The following AHDC1 variants were observed in gnomAD, a reference collection of about 807,000 sequenced individuals.
The protein encoded by AHDC1 is transcription factor Gibbin.
In AHDC1, 7 loss-of-function variants were observed where a neutral mutation model predicts 87.9. That is an observed-to-expected ratio of 0.08 (90% CI 0.05 to 0.15). The LOEUF is 0.15. AHDC1 is among the 10% of genes least tolerant of loss of function. AHDC1 has a pLI of 1.00. For missense variants in AHDC1, 1,841 were observed against 2,253.2 expected, an observed-to-expected ratio of 0.82 and a Z score of 3.70; for synonymous variants, 1,051 against 1,006.8, an observed-to-expected ratio of 1.04 and a Z score of -0.83.
chr1:27,563,048 T>C lies in AHDC1; in HGVS notation c.-628-4165A>G, dbSNP rs1411023460. On this transcript the variant is annotated intron_variant, in intron 3 of 8. Transcript: ENST00000673934. The surrounding 1 kb of genome is among the most constrained non-coding windows in gnomAD (Gnocchi z 6.1). ...CTGTTACCCCTCACAGTGGCATAACTGACACGCAACCAGGCACCCCCACAC... is the reference window on the plus strand; with the variant it reads ...CTGTTACCCCTCACAGTGGCATAACCGACACGCAACCAGGCACCCCCACAC... Among the ~76,000 whole-genome samples the C allele has an allele frequency of 1.3e-5, 2 of 152,044 alleles. No individual in the cohort carries two copies. Among genetic ancestry groups the C allele is most frequent in the Non-Finnish European group, 2.9e-5 (2 of 68,008 alleles).
chr1:27,546,202 AT>A (rs1283741979), intron 8 of AHDC1, among the ~76,000 whole-genome samples: 1 of 152,170 alleles, frequency 6.6e-6, no homozygotes, highest in Admixed American at 6.5e-5. Context: ...ATCTGGGCCA[AT>A]TTTGTGACAG....
chr1:27,600,506 A>G (rs931813462), intron 3 of AHDC1, among the ~76,000 whole-genome samples: 14 of 151,248 alleles, frequency 9.3e-5, no homozygotes, highest in Admixed American at 3.3e-4. Context: ...TGGGGGTGGG[A>G]CAGAAGAGGG....
chr1:27,548,920 C>T lies in AHDC1; in HGVS notation c.3196G>A (p.Gly1066Ser), dbSNP rs768244851. The T allele has an allele frequency of 7.5e-6, 12 of 1,599,764 alleles. No homozygotes were observed. The highest frequency in any genetic ancestry group is 4.5e-5 in the East Asian group (2 of 44,250). The change falls in exon 8 of 9, where the codon GGT becomes AGT. Residue 1066 changes from glycine (G) to serine (S), a missense_variant. This residue lies in a region of AHDC1 where 378 missense variants were observed against 399.0 expected (regional missense o/e 0.95). Transcript: ENST00000673934. ...CDSRASTVSP[G>S]GYMVPKGTTA... ...GTGCCCTTGGGTACCATGTAGCCACCGGGCGAGACTGTGCTGGCCCGGCTG... is the reference window on the plus strand; with the variant it reads ...GTGCCCTTGGGTACCATGTAGCCACTGGGCGAGACTGTGCTGGCCCGGCTG...
chr1:27,584,886 G>C (rs1362601359), intron 3 of AHDC1, among the ~76,000 whole-genome samples: 1 of 152,070 alleles, frequency 6.6e-6, no homozygotes, highest in Non-Finnish European at 1.5e-5. Flanking sequence ...CAAGGGGGCA[G>C]GACAGGACAG....
intron 3 of AHDC1, among the ~76,000 whole-genome samples, chr1:27,575,364 G>A (rs960346273): frequency 2.0e-5 from 3 of 152,088 alleles, no homozygotes; most frequent in African/African-American, 4.8e-5. Flanking sequence ...GCGCAAGCCG[G>A]GAGGGGCGGG....
rs564865028 is a variant in AHDC1 at position 27,565,565 on chromosome 1, C to A, written c.-628-6682G>T. 9.6e-4 allele frequency among the ~76,000 whole-genome samples: 146 copies of A among 152,262 alleles called. No individual in the cohort carries two copies. The highest frequency in any genetic ancestry group is 9.1e-4 in the Non-Finnish European group (62 of 68,012). On this transcript the variant is annotated intron_variant, in intron 3 of 8. Coordinates refer to ENST00000673934, the MANE Select transcript of AHDC1 (RefSeq NM_001371928.1). The surrounding 1 kb of genome is among the most constrained non-coding windows in gnomAD (Gnocchi z 4.6). The stretch of plus-strand genomic sequence containing the variant: ...AAACATTCTGTCTGGTGTCCCCCGG[C>A]GCTGGTGAGCAAGGGGCGGGAGTCA...
intron 3 of AHDC1, among the ~76,000 whole-genome samples, chr1:27,579,011 A>G (rs964505608): frequency 2.0e-5 from 3 of 146,714 alleles, no homozygotes; most frequent in African/African-American, 7.6e-5. Context: ...TATGGCTTCT[A>G]TTATGTGTCT....
intron 8 of AHDC1, among the ~76,000 whole-genome samples, chr1:27,537,694 C>T (rs1424913110): frequency 6.6e-6 from 1 of 152,230 alleles, no homozygotes; most frequent in Non-Finnish European, 1.5e-5. Flanking sequence ...CACCGGCCCC[C>T]AGCACACCAA....
rs570323342 is a variant in AHDC1, at chr1:27,592,474, G to T, written c.-629+10923C>A. Among the ~76,000 whole-genome samples the T allele has an allele frequency of 2.6e-4, 39 of 152,268 alleles. No individual in the cohort carries two copies. In the South Asian group the frequency reaches 7.5e-3, roughly 29 times the overall value. ...AGACCACAGGGGTGCGGAGCTGGGG[G>T]CCCCAGAGACCCTGTGGGACCCCCA... On this transcript the variant is annotated intron_variant, in intron 3 of 8. Transcript: ENST00000673934.
At chr1:27,538,344 A>C (rs1021232168) in intron 8 of AHDC1, among the ~76,000 whole-genome samples, 12 of 145,510 alleles carry the variant, frequency 8.2e-5, no homozygotes, top group Non-Finnish European at 4.5e-5. Flanking sequence ...CGGAGGTTGC[A>C]GTGAGCTGAG....
At chr1:27,568,524 T>C (rs1029311540) in intron 3 of AHDC1, among the ~76,000 whole-genome samples, 16 of 152,000 alleles carry the variant, frequency 1.1e-4, no homozygotes, top group African/African-American at 3.9e-4. Context: ...GGCCCTGCCT[T>C]TTCCTCCACC....
At chr1:27,602,259 C>T (rs1478166531) in intron 3 of AHDC1, among the ~76,000 whole-genome samples, 6 of 152,094 alleles carry the variant, frequency 3.9e-5, no homozygotes, top group Admixed American at 2.0e-4. Context: ...AGAGAATTCC[C>T]GCCCCCGCTT....
chr1:27,593,769 C>T lies in AHDC1; in HGVS notation c.-629+9628G>A, dbSNP rs574238093. Among the ~76,000 whole-genome samples the T allele has an allele frequency of 3.9e-5, 6 of 152,364 alleles. No homozygotes were observed. The South Asian group carries it at 8.3e-4, about 21-fold the overall frequency. Reference sequence around the variant, plus strand: ...GACAGCTGGGCTAAGCCAGTGCCTGCGGCTCCCCAGGGCACAAGAGGCAGG... The same window carrying T: ...GACAGCTGGGCTAAGCCAGTGCCTGTGGCTCCCCAGGGCACAAGAGGCAGG... On this transcript the variant is annotated intron_variant, in intron 3 of 8. Transcript: ENST00000673934. This position sits in a 1 kb window ranked among gnomAD's most constrained non-coding sequence, Gnocchi z 4.9.
chr1:27,537,479 C>A (rs1571202537), intron 8 of AHDC1, among the ~76,000 whole-genome samples: 1 of 152,164 alleles, frequency 6.6e-6, no homozygotes, highest in Non-Finnish European at 1.5e-5. Flanking sequence ...CATGCTGGGG[C>A]CAAGACGTAC....
rs1443595618 is a variant in AHDC1, at chr1:27,549,036, C to T, written c.3080G>A (p.Gly1027Asp). The T allele has an allele frequency of 1.3e-6, 2 of 1,572,768 alleles. No individual in the cohort carries two copies. Among genetic ancestry groups the T allele is most frequent in the Admixed American group, 1.8e-5 (1 of 54,712 alleles). ...GGCCTTGCTTGGTGGCAGGCAGGGG[C>T]CCCCGGTAGGCGGTGGGGCATAGCC... Reference protein sequence around the residue: ...SAGYAPPPTGGPCLPPSKASF... With the variant: ...SAGYAPPPTGDPCLPPSKASF... Residue 1027 changes from glycine to aspartate, a missense_variant, in exon 8 of 9, where the codon GGC becomes GAC. This residue lies in a region of AHDC1 where 378 missense variants were observed against 399.0 expected (regional missense o/e 0.95). Transcript: ENST00000673934.
In AHDC1 at chr1:27,603,717, C is replaced by CA. The variant is rs1214637894; in HGVS notation, c.-727+10dup. On this transcript the variant is annotated intron_variant, in intron 2 of 8. Transcript: ENST00000673934. ...TGGACACCCCCGCCCCCACCCCCCC[C>CA]AATAGCAAACCTGGGAGGGAACGCG... 1 of 149,932 alleles carries CA rather than the reference C, an allele frequency of 6.7e-6. No homozygotes were observed. Among genetic ancestry groups the CA allele is most frequent in the South Asian group, 2.1e-4 (1 of 4,658 alleles). The allele number at this position is 149,932 out of a possible 1,614,324, so 9.3% of individuals were successfully genotyped here.
intron 8 of AHDC1, among the ~76,000 whole-genome samples, chr1:27,539,089 G>C (rs568662864): frequency 6.6e-6 from 1 of 152,180 alleles, no homozygotes; most frequent in East Asian, 1.9e-4. Flanking sequence ...CAGGGATGGG[G>C]AGGCTGTGTT....
chr1:27,535,200 G>C (rs2018589620), intron 8 of AHDC1, among the ~76,000 whole-genome samples: 1 of 152,160 alleles, frequency 6.6e-6, no homozygotes, highest in Non-Finnish European at 1.5e-5. Flanking sequence ...TTAAGAGCTT[G>C]GGCTCTGGAA....
At chr1:27,541,429 C>T (rs1434823949) in intron 8 of AHDC1, among the ~76,000 whole-genome samples, 2 of 151,950 alleles carry the variant, frequency 1.3e-5, no homozygotes, top group Non-Finnish European at 2.9e-5. Context: ...AGCAATTCTC[C>T]TGCCTCAGCC....
Sources: gnomAD v4.1 joint callset for allele counts (sites outside exome capture counted in the v4.1 genomes callset) on GRCh38, gnomAD v4.1.1 for gene constraint, gnomAD v4.1.1 regional missense constraint, Gnocchi (gnomAD v3.1) non-coding constraint, MANE v1.5 for transcripts, NCBI Gene and HGNC (gene_info 2026-07-23, HGNC 2026-07-21) for gene names.